The following XRN1 variants were observed in gnomAD, a reference collection of about 807,000 sequenced individuals.
XRN1 encodes the protein 5'-3' exoribonuclease 1.
Under a neutral mutation model 222.3 loss-of-function variants are expected in XRN1, and 67 were observed. The observed-to-expected ratio is 0.30, with a 90% CI of 0.25 to 0.37. The LOEUF is 0.37. Ranked by LOEUF, XRN1 falls within the 10% of genes least tolerant of loss-of-function variation. The pLI, the probability that XRN1 is intolerant of heterozygous loss-of-function variation, is 1.00. For synonymous variants in XRN1, 643 were observed against 652.4 expected, an observed-to-expected ratio of 0.99 and a Z score of 0.22; for missense variants, 1,707 against 2,000.2, an observed-to-expected ratio of 0.85 and a Z score of 2.80.
At chr3:142,382,236 T>C (rs1295472482) in intron 22 of XRN1, among the ~76,000 whole-genome samples, 1 of 151,988 alleles carries the variant, frequency 6.6e-6, no homozygotes, top group African/African-American at 2.4e-5. Context: ...AAAAAAAAAA[T>C]GCCCCCTAGA....
intron 23 of XRN1, among the ~76,000 whole-genome samples, chr3:142,377,845 A>T (rs1310400254): frequency 7.9e-5 from 12 of 152,158 alleles, no homozygotes. Flanking sequence ...AACACAAGTT[A>T]TTTAACCTTC....
intron 30 of XRN1, 69 bp from the exon 31 acceptor site, chr3:142,357,188 T>A: frequency 1.4e-6 from 2 of 1,448,400 alleles, no homozygotes; most frequent in African/African-American, 2.8e-5. Context: ...AAAAGTCAAA[T>A]AATTTTTGGT....
chr3:142,335,455 T>C lies in XRN1; in HGVS notation c.3932A>G (p.Asn1311Ser). 6.2e-7 allele frequency: 1 copy of C among 1,613,950 alleles called. No individual in the cohort carries two copies. Among genetic ancestry groups the C allele is most frequent in the Non-Finnish European group, 8.5e-7 (1 of 1,179,902 alleles). ...KAECWSQKMS[N>S]KQPNSGIENF... ...GATTTTAAGGAAGCTTACCTGCTTATTGGACATTTTTTGGGACCAACACTC... is the reference window on the plus strand; with the variant it reads ...GATTTTAAGGAAGCTTACCTGCTTACTGGACATTTTTTGGGACCAACACTC... The change falls in exon 34 of 41, where the codon AAT (asparagine) becomes AGT (serine). Residue 1311 changes from asparagine to serine, a missense_variant. By Grantham distance (46) the Asn-to-Ser change is conservative (BLOSUM62 1). This residue lies in a region of XRN1 where 473 missense variants were observed against 482.0 expected (regional missense o/e 0.98). Transcript: ENST00000392981.
rs1212267383 is a variant in XRN1, at chr3:142,308,001, C to T, written c.*3510G>A. The T allele has an allele frequency of 1.3e-5, 2 of 152,106 alleles. No individual in the cohort carries two copies. Among genetic ancestry groups the T allele is most frequent in the Non-Finnish European group, 2.9e-5 (2 of 68,010 alleles). 9.4% of individuals were successfully genotyped at this position (152,106 alleles called of 1,614,324 possible). ...CAAGAAATACAGCAAGCTCATAAGG[C>T]TGAGAAATTGTACAGTTGCTTTAAA... On this transcript the variant is annotated 3_prime_UTR_variant, in exon 41 of 41. Transcript: ENST00000392981.
intron 20 of XRN1, among the ~76,000 whole-genome samples, chr3:142,395,715 AC>A (rs1464890358): frequency 6.6e-6 from 1 of 152,154 alleles, no homozygotes; most frequent in African/African-American, 2.4e-5. Context: ...GTGGTTTATT[AC>A]CTTGTTCTTG....
At chr3:142,349,282 GC>G (rs2066239632) in intron 32 of XRN1, among the ~76,000 whole-genome samples, 1 of 151,974 alleles carries the variant, frequency 6.6e-6, no homozygotes, top group African/African-American at 2.4e-5. Flanking sequence ...AGTCAAAATG[GC>G]ATGAGATTTC....
chr3:142,357,729 C>T (rs997144599), intron 30 of XRN1, among the ~76,000 whole-genome samples: 2 of 151,976 alleles, frequency 1.3e-5, no homozygotes, highest in African/African-American at 4.8e-5. Flanking sequence ...TGCCTGGCCT[C>T]GAACGTCTTA....
chr3:142,395,626 C>A (rs1456693711), intron 20 of XRN1, among the ~76,000 whole-genome samples: 4 of 152,204 alleles, frequency 2.6e-5, no homozygotes, highest in African/African-American at 9.6e-5. Flanking sequence ...TCAATCATTC[C>A]TTTACCCACT....
chr3:142,375,462 C>G (rs966688680), intron 25 of XRN1, among the ~76,000 whole-genome samples: 2 of 152,100 alleles, frequency 1.3e-5, no homozygotes, highest in Non-Finnish European at 2.9e-5. Flanking sequence ...CAGAAAAAAT[C>G]CACTATGCTA....
chr3:142,370,599 A>C lies in XRN1; in HGVS notation c.3090T>G (p.Ile1030Met). Reference protein sequence around the residue: ...NENGAEKVQEIITWLKGHPVS... With the variant: ...NENGAEKVQEMITWLKGHPVS... ...CAGGATGTCCTTTTAGCCAAGTAAT[A>C]ATTTCTTGAACTTTTTCAGCACTAA... Residue 1030 changes from isoleucine to methionine, a missense_variant, in exon 27 of 41, where the codon ATT becomes ATG. By Grantham distance (10) the Ile-to-Met change is conservative. Transcript: ENST00000392981. The C allele has an allele frequency of 1.3e-6, 2 of 1,583,806 alleles. No homozygotes were observed. The highest frequency in any genetic ancestry group is 1.2e-5 in the South Asian group (1 of 83,642).
intron 32 of XRN1, among the ~76,000 whole-genome samples, chr3:142,354,250 C>T (rs890152779): frequency 2.0e-5 from 3 of 152,040 alleles, no homozygotes; most frequent in Admixed American, 6.5e-5. Flanking sequence ...CATCTCACAC[C>T]GGTCAGAATG....
intron 1 of XRN1, among the ~76,000 whole-genome samples, chr3:142,441,908 A>G (rs559405029): frequency 3.1e-4 from 47 of 152,368 alleles, no homozygotes; most frequent in African/African-American, 1.1e-3. Context: ...ATTCGCATAC[A>G]ATTCGTATAC....
intron 3 of XRN1, 30 bp downstream of exon 3, chr3:142,426,712 TTC>T: frequency 2.5e-6 from 4 of 1,569,256 alleles, no homozygotes; most frequent in Non-Finnish European, 2.6e-6. Context: ...TATATTTCAA[TTC>T]TGTCATAATT....
chr3:142,418,486 G>A lies in XRN1; in HGVS notation c.1346+18C>T. On this transcript the variant is annotated intron_variant, in intron 12 of 40. Transcript: ENST00000392981. ...TAATTTTTTCTATTTTAAAATAAAAGCATTGGCAAAAACGTACTCAGATAC... is the reference window on the plus strand; with the variant it reads ...TAATTTTTTCTATTTTAAAATAAAAACATTGGCAAAAACGTACTCAGATAC... The A allele has an allele frequency of 6.5e-7, 1 of 1,546,996 alleles. No individual in the cohort carries two copies. Among genetic ancestry groups the A allele is most frequent in the Non-Finnish European group, 8.8e-7 (1 of 1,137,748 alleles).
chr3:142,377,392 T>A (rs1322005679), intron 23 of XRN1, among the ~76,000 whole-genome samples: 2 of 152,136 alleles, frequency 1.3e-5, no homozygotes, highest in Non-Finnish European at 2.9e-5. Context: ...ACAAATCAAG[T>A]ATGCTTTCCA....
At chr3:142,434,369 C>T (rs1250062560) in intron 1 of XRN1, among the ~76,000 whole-genome samples, 1 of 152,048 alleles carries the variant, frequency 6.6e-6, no homozygotes, top group Non-Finnish European at 1.5e-5. Context: ...AAATACCAGC[C>T]ATGTTGCCCA....
At position 142,307,369 on chromosome 3, in the gene XRN1, A is replaced by G. The variant is rs533698095; in HGVS notation, c.*4142T>C. 23 of 145,748 alleles carry G rather than the reference A, an allele frequency of 1.6e-4. No individual in the cohort carries two copies. Among genetic ancestry groups the G allele is most frequent in the African/African-American group, 2.8e-4 (11 of 39,978 alleles). The allele number at this position is 145,748 out of a possible 1,614,324, so 9.0% of individuals were successfully genotyped here. A position where few individuals can be genotyped will look rare whatever the true frequency, so the allele number is the denominator to read the frequency against. On this transcript the variant is annotated 3_prime_UTR_variant, in exon 41 of 41. Coordinates refer to ENST00000392981, the MANE Select transcript of XRN1 (RefSeq NM_001282857.2). ...GTGCAGTTGGTGTACGGCTGGAGGG[A>G]AAAAAAAAAAGACTTTTTACAGGTT...
rs1559881295 is a variant in XRN1 at position 142,432,649 on chromosome 3, T to TA, written c.308+11dup. 6.5e-7 allele frequency: 1 copy of TA among 1,543,842 alleles called. No individual in the cohort carries two copies. Among genetic ancestry groups the TA allele is most frequent in the Non-Finnish European group, 8.7e-7 (1 of 1,143,358 alleles). On this transcript the variant is annotated intron_variant, in intron 2 of 40. Coordinates refer to ENST00000392981, the MANE Select transcript of XRN1 (RefSeq NM_001282857.2). ...CTAAATAATATTCCAAAATAAAACA[T>TA]AAATGTTTTACCTAAAACGCCTCCC...
At chr3:142,389,383 T>A (rs997926994) in intron 20 of XRN1, among the ~76,000 whole-genome samples, 1 of 152,200 alleles carries the variant, frequency 6.6e-6, no homozygotes, top group Non-Finnish European at 1.5e-5. Context: ...CTCAAAGTCA[T>A]ATAGGAGGGT....
Sources: gnomAD v4.1 joint callset for allele counts (sites outside exome capture counted in the v4.1 genomes callset) on GRCh38, gnomAD v4.1.1 for gene constraint, gnomAD v4.1.1 regional missense constraint, MANE v1.5 for transcripts, NCBI Gene and HGNC (gene_info 2026-07-23, HGNC 2026-07-21) for gene names.